The following SRP19 variants were observed in gnomAD, a reference collection of about 807,000 sequenced individuals.
SRP19 encodes signal recognition particle 19, also known as signal recognition particle 19 kDa protein.
Under a neutral mutation model 22.4 loss-of-function variants are expected in SRP19, and 11 were observed. The observed-to-expected ratio is 0.49, with a 90% CI of 0.31 to 0.81. The LOEUF (loss-of-function observed/expected upper bound fraction) is 0.81. Ranked by LOEUF, SRP19 falls within the 40% of genes least tolerant of loss-of-function variation. The pLI, the probability that SRP19 is intolerant of heterozygous loss-of-function variation, is 0.05. For synonymous variants in SRP19, 61 were observed against 57.6 expected (o/e 1.06, Z -0.27); for missense variants, 168 against 175.9 (o/e 0.96, Z 0.25).
chr5:112,894,267 A>C (rs1002141815), downstream of SRP19: 1 of 152,040 alleles, frequency 6.6e-6, no homozygotes, highest in Non-Finnish European at 1.5e-5. Flanking sequence ...CTACAGGCGC[A>C]TGCCACCGTG....
At chr5:112,875,279 C>T (rs1767867836) in intron 4 of SRP19, among the ~76,000 whole-genome samples, 6 of 152,052 alleles carry the variant, frequency 3.9e-5, no homozygotes, top group Admixed American at 3.9e-4. Context: ...TTCTAAACAC[C>T]ATAATTCTAG....
At position 112,864,468 on chromosome 5, in the gene SRP19, TC is replaced by T. The variant is rs1386034561; in HGVS notation, c.131del (p.Pro44LeufsTer61). On this transcript the variant is annotated frameshift_variant, in exon 3 of 5. Transcript: ENST00000505459. LOFTEE classifies it high-confidence loss of function. ...RIPISKAVENPTATEIQDVCS... is the reference protein window; with the variant it reads ...RIPISKAVENXTATEIQDVCS... ...TTTTAACTGTTCAGGCTGTTGAAAA[TC>T]CTACAGCTACAGAGATTCAAGATGT... The T allele has an allele frequency of 1.2e-6, 2 of 1,613,384 alleles. No homozygotes were observed. Among genetic ancestry groups the T allele is most frequent in the Non-Finnish European group, 1.7e-6 (2 of 1,179,962 alleles).
In SRP19 at chr5:112,864,704, G is replaced by A. The variant is rs1767533422; in HGVS notation, c.273G>A (p.Gly91=). Residue 91 remains glycine (G), a synonymous_variant, in exon 4 of 5, where the codon GGG becomes GGA. Coordinates refer to ENST00000505459, the MANE Select transcript of SRP19 (RefSeq NM_003135.3). ...RVRVQLKQED[G]SLCLVQFPSR... is the part of the protein sequence containing the mutation. ...GGGTCCAGCTCAAACAGGAAGATGG[G>A]AGCCTCTGCCTTGTACAGTTCCCAT... is the stretch of plus-strand genomic sequence containing the variant. 1 of 1,613,912 alleles carries A rather than the reference G, an allele frequency of 6.2e-7. No homozygotes were observed. The highest frequency in any genetic ancestry group is 1.3e-5 in the African/African-American group (1 of 74,910).
chr5:112,865,185 T>G (rs1252292963), intron 4 of SRP19: 1 of 152,554 alleles, frequency 6.6e-6, no homozygotes, highest in Non-Finnish European at 1.5e-5. Flanking sequence ...TAAATTTAAA[T>G]ACAAAATATT....
chr5:112,878,396 C>T (rs2546115), intron 4 of SRP19: 50,272 of 181,826 alleles, frequency 0.28, 8,674 homozygotes, highest in East Asian at 0.64. Flanking sequence ...TTGTACATTA[C>T]AGGAAGTAGA....
At chr5:112,871,330 G>T (rs1039299739), downstream of SRP19, among the ~76,000 whole-genome samples, 1 of 138,558 alleles carries the variant, frequency 7.2e-6, no homozygotes, top group East Asian at 2.2e-4. Flanking sequence ...GTTTTTTTGA[G>T]ACAGGTCTCT....
In SRP19 at chr5:112,861,313, G is replaced by C. The variant is rs1418150186; in HGVS notation, c.-64G>C. 58 of 1,596,550 alleles carry C rather than the reference G, an allele frequency of 3.6e-5. 1 individual carries two copies. The highest frequency in any genetic ancestry group is 5.0e-5 in the Admixed American group (3 of 60,022). Reference sequence around the variant, plus strand: ...GGCTGTCTCGGAAACTCAGAGCCGGGTTCCTCCCGGGTTTCTGCCGGGTTT... The same window carrying C: ...GGCTGTCTCGGAAACTCAGAGCCGGCTTCCTCCCGGGTTTCTGCCGGGTTT... On this transcript the variant is annotated 5_prime_UTR_variant, in exon 1 of 5. Transcript: ENST00000505459.
downstream of SRP19, among the ~76,000 whole-genome samples, chr5:112,873,277 T>TTTC (rs1313896341): frequency 6.8e-6 from 1 of 146,186 alleles, no homozygotes; most frequent in African/African-American, 2.5e-5. Context: ...TTTTCTTTTT[T>TTTC]TTTTTTTTTT....
rs376976330 is a variant in SRP19, at chr5:112,864,751, A to G, written c.301+19A>G. The G allele has an allele frequency of 3.6e-5, 57 of 1,570,496 alleles. 1 individual carries two copies. In the African/African-American group the frequency reaches 4.7e-4, roughly 13 times the overall value. On this transcript the variant is annotated intron_variant, in intron 4 of 4. Transcript: ENST00000505459. ...CCATCACGTAAGCTTGTTTAAATGA[A>G]TCAGTGGGGCTCAGGGATAGGTTTC... is the stretch of plus-strand genomic sequence containing the variant.
At chr5:112,864,318 A>T in intron 2 of SRP19, 139 bp from the exon 3 acceptor site, 2 of 670,716 alleles carry the variant, frequency 3.0e-6, no homozygotes, top group Non-Finnish European at 5.1e-6. Flanking sequence ...ATTACAATAG[A>T]AGCATCTGTA....
At chr5:112,894,261 A>T (rs1768606545), downstream of SRP19, 1 of 152,080 alleles carries the variant, frequency 6.6e-6, no homozygotes, top group East Asian at 1.9e-4. Flanking sequence ...CTGGTACTAC[A>T]GGCGCATGCC....
chr5:112,887,568 C>T (rs939424519), intron 4 of SRP19, among the ~76,000 whole-genome samples: 2 of 152,108 alleles, frequency 1.3e-5, no homozygotes, highest in African/African-American at 4.8e-5. Flanking sequence ...AGCCTAATAT[C>T]TAGGAGGCCT....
At chr5:112,864,561 C>T (rs763336052) in intron 3 of SRP19, 33 bp downstream of exon 3, 1 of 1,611,198 alleles carries the variant, frequency 6.2e-7, no homozygotes, top group Non-Finnish European at 8.5e-7. Context: ...TTTCCATACT[C>T]ATCTAATTGA....
intron 4 of SRP19, among the ~76,000 whole-genome samples, chr5:112,882,789 C>A (rs1768120228): frequency 6.6e-6 from 1 of 152,166 alleles, no homozygotes; most frequent in Admixed American, 6.6e-5. Context: ...ATGAGCAGTC[C>A]CTCTCCTTCG....
chr5:112,877,703 T>G (rs1767940377), intron 4 of SRP19: 1 of 152,184 alleles, frequency 6.6e-6, no homozygotes. Context: ...TCTCCCAGAA[T>G]TGCTCTTAGA....
At chr5:112,872,204 A>G (rs1393582730), downstream of SRP19, among the ~76,000 whole-genome samples, 1 of 152,168 alleles carries the variant, frequency 6.6e-6, no homozygotes, top group African/African-American at 2.4e-5. Flanking sequence ...TACATTTGCT[A>G]CTAAAAGTAT....
rs945379378 is a variant in SRP19 at position 112,868,567 on chromosome 5, A to T, written c.*1030A>T. 8 of 186,452 alleles carry T rather than the reference A, an allele frequency of 4.3e-5. No individual in the cohort carries two copies. Among genetic ancestry groups the T allele is most frequent in the Admixed American group, 6.6e-5 (1 of 15,218 alleles). The allele number at this position is 186,452 out of a possible 1,614,324, so 11.5% of individuals were successfully genotyped here. A position where few individuals can be genotyped will look rare whatever the true frequency, so the allele number is the denominator to read the frequency against. ...AGGCATGTGCCACCACACCCGGCTA[A>T]TTTTGTATTTTTAGTAGAGACAGGG... On this transcript the variant is annotated 3_prime_UTR_variant, in exon 5 of 5. Coordinates refer to ENST00000505459, the MANE Select transcript of SRP19 (RefSeq NM_003135.3).
intron 4 of SRP19, among the ~76,000 whole-genome samples, chr5:112,880,175 C>T (rs1223525557): frequency 6.6e-6 from 1 of 152,052 alleles, no homozygotes; most frequent in Admixed American, 6.6e-5. Context: ...CTTTGAGAGG[C>T]TGAGGTAGGA....
chr5:112,898,317 T>C (rs969235315), exon 4 of SRP19: 5 of 152,234 alleles, frequency 3.3e-5, no homozygotes, highest in Admixed American at 2.0e-4. Context: ...TTTAATCCTT[T>C]CAAGTATGTT....
Sources: allele counts gnomAD v4.1 joint callset (sites outside exome capture counted in the v4.1 genomes callset), GRCh38; gene constraint gnomAD v4.1.1; transcripts MANE v1.5; gene names NCBI Gene and HGNC (gene_info 2026-07-23, HGNC 2026-07-21).